KPNA4: variants seen among roughly 807,000 people sequenced by gnomAD.
KPNA4 encodes the protein importin subunit alpha-3.
Under a neutral mutation model 71.3 loss-of-function variants are expected in KPNA4, and 13 were observed. The ratio of observed to expected loss-of-function variants is 0.18; its 90% confidence interval spans 0.12 to 0.29. The LOEUF (loss-of-function observed/expected upper bound fraction) is 0.29, where lower values mean the gene tolerates loss of function less well. KPNA4 is among the 10% of genes least tolerant of loss of function. The pLI is 1.00. For missense variants in KPNA4, 334 were observed against 603.2 expected, an observed-to-expected ratio of 0.55 and a Z score of 4.67; for synonymous variants, 189 against 195.2, an observed-to-expected ratio of 0.97 and a Z score of 0.26.
rs1359922725 is a variant in KPNA4 at position 160,496,770 on chromosome 3, C to G, written c.*5334G>C. ...AATAACAAGGGAGTACTGCAGTCCTCTGGTGGGAGGTAGATCATAAAGAAT... is the reference window on the plus strand; with the variant it reads ...AATAACAAGGGAGTACTGCAGTCCTGTGGTGGGAGGTAGATCATAAAGAAT... On this transcript the variant is annotated 3_prime_UTR_variant, in exon 17 of 17. Coordinates refer to ENST00000334256, the MANE Select transcript of KPNA4 (RefSeq NM_002268.5). The G allele has an allele frequency of 6.6e-6, 1 of 152,158 alleles. No individual in the cohort carries two copies. Among genetic ancestry groups the G allele is most frequent in the Non-Finnish European group, 1.5e-5 (1 of 68,040 alleles). The allele number at this position is 152,158 out of a possible 1,614,324, so 9.4% of individuals were successfully genotyped here. A position where few individuals can be genotyped will look rare whatever the true frequency, so the allele number is the denominator to read the frequency against.
intron 7 of KPNA4, among the ~76,000 whole-genome samples, chr3:160,530,385 G>A (rs184575696): frequency 5.3e-5 from 8 of 152,032 alleles, no homozygotes; most frequent in South Asian, 4.2e-4. Context: ...GGACTGATGC[G>A]GAAGGGTCTC....
intron 14 of KPNA4, among the ~76,000 whole-genome samples, chr3:160,508,637 T>A (rs1721032960): frequency 1.3e-5 from 2 of 152,052 alleles, no homozygotes; most frequent in Non-Finnish European, 2.9e-5. Flanking sequence ...ATTAATTAAT[T>A]AATTAAATAT....
At chr3:160,533,518 A>C (rs768646022) in intron 5 of KPNA4, among the ~76,000 whole-genome samples, 3 of 151,916 alleles carry the variant, frequency 2.0e-5, no homozygotes, top group Non-Finnish European at 2.9e-5. Context: ...CATGAGATCA[A>C]GGGTCAAAAT....
chr3:160,531,003 C>T lies in KPNA4; in HGVS notation c.384-63G>A, dbSNP rs934191396. ...TTTTACATTGGGCCAAATATCTAAC[C>T]ATTCTTCCTTCTACCATTTAAAATG... On this transcript the variant is annotated intron_variant, in intron 6 of 16. Coordinates refer to ENST00000334256, the MANE Select transcript of KPNA4 (RefSeq NM_002268.5). 9 of 1,067,122 alleles carry T rather than the reference C, an allele frequency of 8.4e-6. No individual in the cohort carries two copies. In the African/African-American group the frequency reaches 1.3e-4, roughly 15 times the overall value. 66.1% of individuals were successfully genotyped at this position (1,067,122 alleles called of 1,614,324 possible).
chr3:160,537,549 A>G (rs769862961), intron 1 of KPNA4, among the ~76,000 whole-genome samples: 14 of 151,270 alleles, frequency 9.3e-5, no homozygotes, highest in Non-Finnish European at 1.3e-4. Context: ...CAGAAACAAT[A>G]TAAGTTCAAT....
chr3:160,530,122 G>A (rs772461560), intron 7 of KPNA4, among the ~76,000 whole-genome samples: 1 of 121,106 alleles, frequency 8.3e-6, no homozygotes, highest in African/African-American at 3.2e-5. Flanking sequence ...GCGACAGAGT[G>A]AGACTCCATC....
intron 1 of KPNA4, among the ~76,000 whole-genome samples, chr3:160,544,182 T>C (rs1274526375): frequency 1.3e-5 from 2 of 151,284 alleles, no homozygotes; most frequent in African/African-American, 2.4e-5. Flanking sequence ...ATAGCTAGTT[T>C]TGGTAGCAGA....
chr3:160,515,304 A>C (rs1721187788), intron 12 of KPNA4, 148 bp downstream of exon 12: 1 of 792,116 alleles, frequency 1.3e-6, no homozygotes, highest in Non-Finnish European at 2.0e-6. Context: ...CTTGTTATGG[A>C]GAGTAAAATT....
chr3:160,520,412 T>C (rs925749162), intron 11 of KPNA4, among the ~76,000 whole-genome samples: 1 of 151,218 alleles, frequency 6.6e-6, no homozygotes, highest in Non-Finnish European at 1.5e-5. Context: ...CCACCATGCC[T>C]GGCTAATTTT....
chr3:160,541,653 A>G (rs376600976), intron 1 of KPNA4, among the ~76,000 whole-genome samples: 17,510 of 147,154 alleles, frequency 0.12, 1,143 homozygotes, highest in South Asian at 0.21. Flanking sequence ...ATACGCGCAC[A>G]CACACACACA....
At chr3:160,513,323 A>G (rs547301197) in intron 13 of KPNA4, among the ~76,000 whole-genome samples, 321 of 135,722 alleles carry the variant, frequency 2.4e-3, no homozygotes, top group Non-Finnish European at 3.8e-3. Flanking sequence ...TGGCATGACC[A>G]TGGCTCACCA....
chr3:160,531,566 G>A lies in KPNA4; in HGVS notation c.288-9C>T, dbSNP rs1403921969. The A allele has an allele frequency of 1.4e-6, 2 of 1,457,880 alleles. No individual in the cohort carries two copies. Among genetic ancestry groups the A allele is most frequent in the South Asian group, 1.3e-5 (1 of 74,724 alleles). 90.3% of individuals were successfully genotyped at this position (1,457,880 alleles called of 1,614,324 possible). On this transcript the variant is annotated splice_polypyrimidine_tract_variant and intron_variant, in intron 5 of 16. Transcript: ENST00000334256. The stretch of plus-strand genomic sequence containing the variant: ...CACTGGACAAAAGCTTCCTGTAAGA[G>A]ATAAAAACACTCCTGTGAAACTTAA...
At position 160,525,789 on chromosome 3, in the gene KPNA4, C is replaced by A; in HGVS notation, c.771+11G>T. The A allele has an allele frequency of 6.6e-7, 1 of 1,524,496 alleles. No individual in the cohort carries two copies. Among genetic ancestry groups the A allele is most frequent in the Non-Finnish European group, 8.9e-7 (1 of 1,126,690 alleles). The allele number at this position is 1,524,496 out of a possible 1,614,324, so 94.4% of individuals were successfully genotyped here. A position where few individuals can be genotyped will look rare whatever the true frequency, so the allele number is the denominator to read the frequency against. On this transcript the variant is annotated intron_variant, in intron 10 of 16. Transcript: ENST00000334256. Reference sequence around the variant, plus strand: ...ACATACATAAATATATAATAGGACACATTTACTCACATTTACATCTGTGTG... The same window carrying A: ...ACATACATAAATATATAATAGGACAAATTTACTCACATTTACATCTGTGTG...
chr3:160,514,266 C>A, intron 12 of KPNA4, 85 bp from the exon 13 acceptor site: 1 of 848,266 alleles, frequency 1.2e-6, no homozygotes. Context: ...ACTACACTGT[C>A]CCAATGATTT....
At chr3:160,512,956 A>T (rs183334489) in intron 13 of KPNA4, among the ~76,000 whole-genome samples, 16 of 152,344 alleles carry the variant, frequency 1.1e-4, no homozygotes, top group Admixed American at 6.5e-4. Flanking sequence ...CCTAACAAGG[A>T]TCATCAATGG....
rs1720881476 is a variant in KPNA4, at chr3:160,501,526, C to A, written c.*578G>T. On this transcript the variant is annotated 3_prime_UTR_variant, in exon 17 of 17. Transcript: ENST00000334256. ...TCACATACAGCACCACAACCACGCTCTCGTACACAGTCACTCCAGGACTAG... is the reference window on the plus strand; with the variant it reads ...TCACATACAGCACCACAACCACGCTATCGTACACAGTCACTCCAGGACTAG... The A allele has an allele frequency of 6.6e-6, 1 of 152,612 alleles. No individual in the cohort carries two copies. Among genetic ancestry groups the A allele is most frequent in the Admixed American group, 6.5e-5 (1 of 15,276 alleles). The allele number at this position is 152,612 out of a possible 1,614,324, so 9.5% of individuals were successfully genotyped here.
intron 11 of KPNA4, among the ~76,000 whole-genome samples, chr3:160,518,554 G>A (rs1008055226): frequency 6.6e-6 from 1 of 151,244 alleles, no homozygotes; most frequent in Non-Finnish European, 1.5e-5. Context: ...GAATTGGCTT[G>A]GCTTCCTTAT....
intron 4 of KPNA4, 31 bp from the exon 5 acceptor site, chr3:160,535,596 A>C (rs761646601): frequency 1.1e-5 from 18 of 1,585,212 alleles, no homozygotes; most frequent in Non-Finnish European, 1.5e-5. Flanking sequence ...TATGATGTAA[A>C]TATATCACGA....
In KPNA4 at chr3:160,565,437, C is replaced by T. The variant is rs983044535; in HGVS notation, c.-155G>A. On this transcript the variant is annotated 5_prime_UTR_variant, in exon 1 of 17. Transcript: ENST00000334256. ...CTCCTCTCACCTGCCTCCGCCGCGG[C>T]CTTCTCCTCTCCCCGCCCGCCCCCC... 1 of 620,300 alleles carries T rather than the reference C, an allele frequency of 1.6e-6. No individual in the cohort carries two copies. Among genetic ancestry groups the T allele is most frequent in the Non-Finnish European group, 2.8e-6 (1 of 356,012 alleles). 38.4% of individuals were successfully genotyped at this position (620,300 alleles called of 1,614,324 possible).
Sources: gnomAD v4.1 joint callset for allele counts (sites outside exome capture counted in the v4.1 genomes callset) on GRCh38, gnomAD v4.1.1 for gene constraint, MANE v1.5 for transcripts, NCBI Gene and HGNC (gene_info 2026-07-23, HGNC 2026-07-21) for gene names.